SESTD1: variants seen among roughly 807,000 people sequenced by gnomAD.
SESTD1 encodes SEC14 domain and spectrin repeat-containing protein 1.
SESTD1 carries 43 observed loss-of-function variants against 101.7 expected under a neutral mutation model. The ratio of observed to expected loss-of-function variants is 0.42; its 90% CI spans 0.33 to 0.55. SESTD1 has a LOEUF of 0.55. Ranked by LOEUF, SESTD1 falls within the 20% of genes least tolerant of loss-of-function variation. The pLI is 0.07. For missense variants in SESTD1, 647 were observed against 815.1 expected (o/e 0.79, Z 2.51); for synonymous variants, 283 against 286.8 (o/e 0.99, Z 0.13).
intron 5 of SESTD1, among the ~76,000 whole-genome samples, chr2:179,156,115 T>C (rs1158472453): frequency 6.6e-6 from 1 of 151,850 alleles, no homozygotes; most frequent in Non-Finnish European, 1.5e-5. Flanking sequence ...CGTGTATATA[T>C]ATATATGTGT....
intron 16 of SESTD1, among the ~76,000 whole-genome samples, chr2:179,113,119 A>T (rs957527489): frequency 6.6e-6 from 1 of 152,222 alleles, no homozygotes; most frequent in East Asian, 1.9e-4. Context: ...GGTGATTTCC[A>T]AGAAAGAAAA....
intron 2 of SESTD1, among the ~76,000 whole-genome samples, chr2:179,184,016 T>C (rs13022632): frequency 0.59 from 90,186 of 151,902 alleles, 28,570 homozygotes; most frequent in East Asian, 0.83. Context: ...GACAGGCATA[T>C]ACTGTTCATA....
chr2:179,167,285 CAA>C (rs750760834), intron 5 of SESTD1, among the ~76,000 whole-genome samples: 19 of 152,004 alleles, frequency 1.2e-4, no homozygotes, highest in Middle Eastern at 3.2e-3. Context: ...ACCAAGGAAA[CAA>C]AGAGTGAACT....
intron 6 of SESTD1, 106 bp from the exon 7 acceptor site, chr2:179,149,500 C>A: frequency 1.4e-6 from 1 of 696,142 alleles, no homozygotes; most frequent in Non-Finnish European, 2.2e-6. Context: ...GATATGTTTT[C>A]CTTCCCCAGC....
At chr2:179,123,929 C>A in intron 11 of SESTD1, 100 bp from the exon 12 acceptor site, 1 of 834,292 alleles carries the variant, frequency 1.2e-6, no homozygotes, top group Non-Finnish European at 2.0e-6. Context: ...ATCACAATTA[C>A]ACTTGAAAAG....
At chr2:179,143,499 T>C (rs773316389) in intron 9 of SESTD1, 93 bp downstream of exon 9, 19 of 1,076,210 alleles carry the variant, frequency 1.8e-5, no homozygotes, top group Non-Finnish European at 2.6e-5. Flanking sequence ...TCTAAGGTTT[T>C]CTATATAGTG....
rs1575467585 is a variant in SESTD1, at chr2:179,183,738, G to A, written c.56-550C>T. ...GTAGTCTCATATCCCAGCTACTCAG[G>A]AGGCTGAGGGCGAGAGTATCACTTG... On this transcript the variant is annotated intron_variant, in intron 2 of 17. Transcript: ENST00000428443. Among the ~76,000 whole-genome samples, 4 of 152,030 alleles carry A rather than the reference G, an allele frequency of 2.6e-5. No homozygotes were observed. The South Asian group carries it at 8.3e-4, about 32-fold the overall frequency.
intron 1 of SESTD1, among the ~76,000 whole-genome samples, chr2:179,225,963 T>C (rs917179693): frequency 2.0e-5 from 3 of 152,158 alleles, no homozygotes; most frequent in Non-Finnish European, 4.4e-5. Flanking sequence ...AGAATATGCA[T>C]AAAACAGGAT....
rs1161094627 is a variant in SESTD1, at chr2:179,101,822, A to G, written c.*8077T>C. ...GAGATGGATGGATACTCTAACATGTAAAGTAAACATGTCCATTAATAACAA... is the reference window on the plus strand; with the variant it reads ...GAGATGGATGGATACTCTAACATGTGAAGTAAACATGTCCATTAATAACAA... On this transcript the variant is annotated 3_prime_UTR_variant, in exon 18 of 18. Transcript: ENST00000428443. The G allele has an allele frequency of 6.6e-6, 1 of 152,194 alleles. No individual in the cohort carries two copies. Among genetic ancestry groups the G allele is most frequent in the Non-Finnish European group, 1.5e-5 (1 of 68,020 alleles). 9.4% of individuals were successfully genotyped at this position (152,194 alleles called of 1,614,324 possible). A position where few individuals can be genotyped will look rare whatever the true frequency, so the allele number is the denominator to read the frequency against.
At chr2:179,127,971 A>G (rs2044915069) in intron 10 of SESTD1, among the ~76,000 whole-genome samples, 1 of 152,212 alleles carries the variant, frequency 6.6e-6, no homozygotes, top group Non-Finnish European at 1.5e-5. Context: ...AACTCTTTGA[A>G]GACGTAATAG....
chr2:179,175,251 T>G (rs900471302), intron 4 of SESTD1, among the ~76,000 whole-genome samples: 2 of 152,164 alleles, frequency 1.3e-5, no homozygotes, highest in African/African-American at 4.8e-5. Flanking sequence ...TAATAAGCAC[T>G]AAAACTAGAA....
At chr2:179,133,752 A>G (rs1198952981) in intron 9 of SESTD1, among the ~76,000 whole-genome samples, 8 of 152,210 alleles carry the variant, frequency 5.3e-5, no homozygotes, top group Non-Finnish European at 1.2e-4. Flanking sequence ...TTAAAAAAAT[A>G]TATTTCTAAA....
At chr2:179,179,954 A>T (rs2046078364) in intron 3 of SESTD1, among the ~76,000 whole-genome samples, 1 of 152,138 alleles carries the variant, frequency 6.6e-6, no homozygotes, top group African/African-American at 2.4e-5. Flanking sequence ...ATGCTCGTTG[A>T]TCAGATTCTG....
rs397960616 is a variant in SESTD1, at chr2:179,184,559, CA to C, written c.56-1372del. Reference sequence around the variant, plus strand: ...TTTGTTCAGAATATGTGTCATTTCTCAAAAAAAAAAAATGGATTAACACAAG... The same window carrying C: ...TTTGTTCAGAATATGTGTCATTTCTCAAAAAAAAAAATGGATTAACACAAG... On this transcript the variant is annotated intron_variant, in intron 2 of 17. Transcript: ENST00000428443. 6.7e-3 allele frequency among the ~76,000 whole-genome samples: 942 copies of C among 140,612 alleles called. 5 individuals carry two copies. The highest frequency in any genetic ancestry group is 0.018 in the South Asian group (79 of 4,460). The allele number at this position is 140,612 out of a possible 152,430, so 92.2% of individuals were successfully genotyped here.
intron 1 of SESTD1, among the ~76,000 whole-genome samples, chr2:179,225,634 C>T (rs975454560): frequency 6.6e-6 from 1 of 152,070 alleles, no homozygotes. Flanking sequence ...AGGTTCAGTG[C>T]CTGGTGAAGC....
chr2:179,198,949 T>G (rs1418329169), intron 1 of SESTD1, among the ~76,000 whole-genome samples: 2 of 151,866 alleles, frequency 1.3e-5, no homozygotes, highest in East Asian at 3.9e-4. Flanking sequence ...AAGAAATAAC[T>G]AAAATCGGAG....
intron 1 of SESTD1, among the ~76,000 whole-genome samples, chr2:179,261,018 G>T (rs954033761): frequency 6.6e-6 from 1 of 152,122 alleles, no homozygotes; most frequent in Non-Finnish European, 1.5e-5. Context: ...GAGATTTTCA[G>T]CTTTTACTCT....
intron 1 of SESTD1, among the ~76,000 whole-genome samples, chr2:179,240,285 T>C (rs963583337): frequency 6.6e-6 from 1 of 151,910 alleles, no homozygotes; most frequent in Non-Finnish European, 1.5e-5. Flanking sequence ...CAACAGAGAG[T>C]CACTGGAGGT....
Position 179,197,914 on chromosome 2 carries a change from T to C in SESTD1, c.-25-6048A>G, listed in dbSNP as rs575265851. Among the ~76,000 whole-genome samples the C allele has an allele frequency of 8.8e-3, 1,320 of 149,914 alleles. 9 individuals are homozygous for C. The highest frequency in any genetic ancestry group is 0.021 in the Middle Eastern group (6 of 290). On this transcript the variant is annotated intron_variant, in intron 1 of 17. Transcript: ENST00000428443. ...AAACTGCATCAACTAACGAGCAAAA[T>C]AACCAGCTAACATCATAATGACAGG...
Sources: allele counts gnomAD v4.1 joint callset (sites outside exome capture counted in the v4.1 genomes callset), GRCh38; gene constraint gnomAD v4.1.1; transcripts MANE v1.5; gene names NCBI Gene and HGNC (gene_info 2026-07-23, HGNC 2026-07-21).